The following DLG2 variants were observed in gnomAD, a reference collection of about 807,000 sequenced individuals.
DLG2 encodes discs large MAGUK scaffold protein 2.
In DLG2, 45 loss-of-function variants were observed where a neutral mutation model predicts 132.5. The observed-to-expected ratio is 0.34, with a 90% confidence interval of 0.27 to 0.44. The LOEUF (loss-of-function observed/expected upper bound fraction) is 0.44, where lower values mean the gene tolerates loss of function less well. DLG2 is among the 20% of genes least tolerant of loss of function. DLG2 has a pLI of 1.00. For synonymous variants in DLG2, 424 were observed against 419.6 expected (o/e 1.01, Z -0.13); for missense variants, 1,045 against 1,196.9 (o/e 0.87, Z 1.87).
chr11:83,682,219 C>T (rs978198348), intron 18 of DLG2: 55 of 985,320 alleles, frequency 5.6e-5, no homozygotes, highest in Middle Eastern at 5.2e-4. Flanking sequence ...GCAGCTTCTC[C>T]GTCTCCTTGG....
At chr11:84,579,940 T>C (rs1049668304) in intron 6 of DLG2, among the ~76,000 whole-genome samples, 1 of 152,152 alleles carries the variant, frequency 6.6e-6, no homozygotes, top group Non-Finnish European at 1.5e-5. Context: ...CCCAAACTTC[T>C]GGTTGGAGCA....
intron 3 of DLG2, among the ~76,000 whole-genome samples, chr11:85,465,121 A>C (rs1291758552): frequency 2.6e-5 from 3 of 114,578 alleles, no homozygotes; most frequent in Non-Finnish European, 5.6e-5. Context: ...AAAAAAAAAG[A>C]AGCAAGATGG....
chr11:84,819,749 T>G (rs916621271), intron 6 of DLG2, among the ~76,000 whole-genome samples: 6 of 151,852 alleles, frequency 4.0e-5, no homozygotes, highest in African/African-American at 1.4e-4. Context: ...ATGCCCAGAT[T>G]TAGCCAAATG....
intron 18 of DLG2, among the ~76,000 whole-genome samples, chr11:83,750,227 T>C (rs2093213824): frequency 2.0e-5 from 3 of 152,152 alleles, no homozygotes; most frequent in South Asian, 4.2e-4. Flanking sequence ...ATAAAGAATA[T>C]GGGTTTTTCT....
At chr11:83,742,139 T>C (rs1446846957) in intron 18 of DLG2, among the ~76,000 whole-genome samples, 1 of 151,982 alleles carries the variant, frequency 6.6e-6, no homozygotes, top group Admixed American at 6.6e-5. Flanking sequence ...AACAAATGGG[T>C]TTCAAATTTT....
rs894391854 is a variant in DLG2, at chr11:84,581,575, T to C, written c.358-46844A>G. Among the ~76,000 whole-genome samples, 3 of 152,134 alleles carry C rather than the reference T, an allele frequency of 2.0e-5. No homozygotes were observed. The South Asian group carries it at 6.2e-4, about 32-fold the overall frequency. ...ACATTACTATTCCAACTTTATAATG[T>C]CTCTCATGCAAAATCTATGCTGAAT... On this transcript the variant is annotated intron_variant, in intron 6 of 27. Transcript: ENST00000376104.
At chr11:84,170,707 A>G (rs1189661354) in intron 8 of DLG2, among the ~76,000 whole-genome samples, 5 of 152,166 alleles carry the variant, frequency 3.3e-5, no homozygotes, top group African/African-American at 2.4e-5. Flanking sequence ...TGACCTTAAG[A>G]GTCTGATGCT....
At chr11:84,808,478 A>C (rs1469037653) in intron 6 of DLG2, among the ~76,000 whole-genome samples, 1 of 152,112 alleles carries the variant, frequency 6.6e-6, no homozygotes. Flanking sequence ...GCAGAAACAA[A>C]TGTAATTTAA....
At chr11:84,017,838 A>C (rs897201133) in intron 11 of DLG2, among the ~76,000 whole-genome samples, 3 of 152,154 alleles carry the variant, frequency 2.0e-5, no homozygotes, top group African/African-American at 7.2e-5. Flanking sequence ...TAAGCACTTT[A>C]ACTTTCCATA....
chr11:84,709,834 T>A (rs1462315880), intron 6 of DLG2, among the ~76,000 whole-genome samples: 1 of 151,934 alleles, frequency 6.6e-6, no homozygotes, highest in African/African-American at 2.4e-5. Flanking sequence ...AGATCAATTG[T>A]AGACTTGAAT....
chr11:85,365,294 A>G (rs1389118287), intron 3 of DLG2, among the ~76,000 whole-genome samples: 1 of 152,200 alleles, frequency 6.6e-6, no homozygotes, highest in Non-Finnish European at 1.5e-5. Flanking sequence ...GAATGAGAAG[A>G]TCACATGCCT....
intron 6 of DLG2, among the ~76,000 whole-genome samples, chr11:84,784,407 C>T (rs941984823): frequency 6.6e-5 from 10 of 150,390 alleles, no homozygotes; most frequent in Non-Finnish European, 1.0e-4. Context: ...GAACATTGTC[C>T]GTGGAGTCAG....
chr11:85,524,207 C>A (rs4944518), intron 3 of DLG2, among the ~76,000 whole-genome samples: 1 of 151,562 alleles, frequency 6.6e-6, no homozygotes, highest in Non-Finnish European at 1.5e-5. Context: ...CAGTCAACAA[C>A]AATTTATTGT....
chr11:85,002,459 T>C (rs1463713454), intron 6 of DLG2, among the ~76,000 whole-genome samples: 1 of 152,146 alleles, frequency 6.6e-6, no homozygotes, highest in Non-Finnish European at 1.5e-5. Flanking sequence ...GTAGGGCCCT[T>C]GGACTATCAG....
intron 15 of DLG2, among the ~76,000 whole-genome samples, chr11:83,897,548 C>A (rs1443699499): frequency 1.3e-5 from 2 of 152,138 alleles, no homozygotes; most frequent in South Asian, 2.1e-4. Context: ...CTCTAAATAA[C>A]CCTCTAAAAT....
intron 11 of DLG2, among the ~76,000 whole-genome samples, chr11:84,054,387 G>C (rs891370244): frequency 4.0e-5 from 6 of 151,896 alleles, no homozygotes; most frequent in African/African-American, 1.4e-4. Flanking sequence ...CTTGATTTTT[G>C]GTTGCTTGGC....
At chr11:83,828,733 C>CT (rs2053616255) in intron 17 of DLG2, among the ~76,000 whole-genome samples, 2 of 152,064 alleles carry the variant, frequency 1.3e-5, no homozygotes, top group Non-Finnish European at 2.9e-5. Context: ...GTATCTGAAC[C>CT]TTTTTAAAAA....
At chr11:85,497,160 G>A (rs558790898) in intron 3 of DLG2, among the ~76,000 whole-genome samples, 5 of 151,998 alleles carry the variant, frequency 3.3e-5, no homozygotes, top group South Asian at 2.1e-4. Flanking sequence ...CTAACCCGTC[G>A]CAAGGAAGTT....
At position 84,056,121 on chromosome 11, in the gene DLG2, T is replaced by C. The variant is rs550815889; in HGVS notation, c.919+3194A>G. On this transcript the variant is annotated intron_variant, in intron 11 of 27. Transcript: ENST00000376104. ...GTACAGAATGTGCAGGTTTGTTACATAGATATACATGTACCATGGTGGTTT... is the reference window on the plus strand; with the variant it reads ...GTACAGAATGTGCAGGTTTGTTACACAGATATACATGTACCATGGTGGTTT... 3.9e-5 allele frequency among the ~76,000 whole-genome samples: 6 copies of C among 152,174 alleles called. No individual in the cohort carries two copies. In the South Asian group the frequency reaches 8.3e-4, roughly 21 times the overall value.
Sources: gnomAD v4.1 joint callset for allele counts (sites outside exome capture counted in the v4.1 genomes callset) on GRCh38, gnomAD v4.1.1 for gene constraint, MANE v1.5 for transcripts, NCBI Gene and HGNC (gene_info 2026-07-23, HGNC 2026-07-21) for gene names.